The following DCC variants were observed in gnomAD, a reference collection of about 807,000 sequenced individuals.
DCC encodes the protein netrin receptor DCC.
A neutral mutation model predicts 172.5 loss-of-function variants in DCC; 58 were observed. The observed-to-expected ratio is 0.34, with a 90% CI of 0.27 to 0.42. The LOEUF is 0.42. DCC is among the 10% of genes least tolerant of loss of function. DCC has a pLI of 1.00. For missense variants in DCC, 1,740 were observed against 1,791.0 expected (o/e 0.97, Z 0.51); for synonymous variants, 709 against 644.5 (o/e 1.10, Z -1.52).
intron 1 of DCC, 103 bp downstream of exon 1, chr18:52,340,981 A>G (rs982711415): frequency 7.5e-6 from 7 of 931,396 alleles, no homozygotes; most frequent in Non-Finnish European, 1.2e-5. Flanking sequence ...GGATAGCAAG[A>G]GATTTGGCGC....
chr18:53,117,540 A>G (rs527636933), intron 7 of DCC, among the ~76,000 whole-genome samples: 77 of 151,866 alleles, frequency 5.1e-4, no homozygotes, highest in African/African-American at 1.6e-3. Context: ...TTCAAAATCA[A>G]TGGTTTTCCA....
intron 1 of DCC, among the ~76,000 whole-genome samples, chr18:52,687,256 T>C (rs1429409201): frequency 6.6e-6 from 1 of 151,528 alleles, no homozygotes; most frequent in Non-Finnish European, 1.5e-5. Flanking sequence ...AAGGCTAGGC[T>C]AGTCGTTAGC....
intron 1 of DCC, among the ~76,000 whole-genome samples, chr18:52,625,241 AT>A (rs2144867501): frequency 6.6e-6 from 1 of 152,290 alleles, no homozygotes; most frequent in South Asian, 2.1e-4. Flanking sequence ...CATTATGTAA[AT>A]TTAGAGAAGA....
intron 5 of DCC, among the ~76,000 whole-genome samples, chr18:53,031,472 G>T (rs1435300602): frequency 6.6e-6 from 1 of 152,050 alleles, no homozygotes; most frequent in Admixed American, 6.6e-5. Context: ...GGAGATGAGG[G>T]TCCAATTCTT....
chr18:53,003,437 T>A (rs2041597073), intron 5 of DCC, among the ~76,000 whole-genome samples: 1 of 152,056 alleles, frequency 6.6e-6, no homozygotes, highest in South Asian at 2.1e-4. Flanking sequence ...CACACAGATG[T>A]GGGAAAATAG....
At chr18:53,267,203 C>T (rs201208046) in intron 12 of DCC, among the ~76,000 whole-genome samples, 2 of 151,670 alleles carry the variant, frequency 1.3e-5, no homozygotes, top group East Asian at 1.9e-4. Context: ...CAGACATAGA[C>T]ACAGACACAG....
chr18:52,751,952 C>A (rs551261510), intron 1 of DCC, 102 bp from the exon 2 acceptor site: 2 of 973,070 alleles, frequency 2.1e-6, no homozygotes, highest in Non-Finnish European at 3.2e-6. Context: ...TTGTTCAAAG[C>A]CCTCAGCTTT....
intron 1 of DCC, among the ~76,000 whole-genome samples, chr18:52,710,348 G>C (rs2145053729): frequency 6.6e-6 from 1 of 152,316 alleles, no homozygotes; most frequent in South Asian, 2.1e-4. Context: ...TCCAGCTTGG[G>C]TGACAGAGTG....
intron 12 of DCC, among the ~76,000 whole-genome samples, chr18:53,266,072 C>T (rs2056670101): frequency 6.6e-6 from 1 of 152,198 alleles, no homozygotes; most frequent in African/African-American, 2.4e-5. Context: ...GTCTTCCTCA[C>T]TTCTTCCAAG....
intron 2 of DCC, among the ~76,000 whole-genome samples, chr18:52,755,619 A>G (rs2145138526): frequency 6.6e-6 from 1 of 152,334 alleles, no homozygotes; most frequent in East Asian, 1.9e-4. Context: ...ATATCTTCCC[A>G]GTAATAAAGA....
intron 2 of DCC, among the ~76,000 whole-genome samples, chr18:52,797,228 A>T (rs969760487): frequency 6.6e-6 from 1 of 152,128 alleles, no homozygotes; most frequent in African/African-American, 2.4e-5. Flanking sequence ...TCTCATCATA[A>T]AATTTCTAAT....
chr18:53,074,504 G>C (rs1163687864), intron 7 of DCC, among the ~76,000 whole-genome samples: 1 of 152,124 alleles, frequency 6.6e-6, no homozygotes, highest in Non-Finnish European at 1.5e-5. Flanking sequence ...ACAGAGCCAA[G>C]TTTTTTCAAA....
chr18:52,654,447 C>T (rs1427044134), intron 1 of DCC, among the ~76,000 whole-genome samples: 2 of 152,152 alleles, frequency 1.3e-5, no homozygotes, highest in African/African-American at 4.8e-5. Flanking sequence ...AAACAACAGA[C>T]ATTTATTGTC....
chr18:53,122,325 G>GCTTTT (rs1224138174), intron 7 of DCC, among the ~76,000 whole-genome samples: 2 of 151,868 alleles, frequency 1.3e-5, no homozygotes, highest in Non-Finnish European at 2.9e-5. Flanking sequence ...TAACCAATTG[G>GCTTTT]CTTTTCTTTT....
chr18:52,794,872 C>A (rs550751643), intron 2 of DCC, among the ~76,000 whole-genome samples: 4 of 151,550 alleles, frequency 2.6e-5, no homozygotes, highest in Non-Finnish European at 4.4e-5. Context: ...CTTTTTGATG[C>A]CTGTTGAGAA....
intron 21 of DCC, among the ~76,000 whole-genome samples, chr18:53,433,311 T>C (rs1039412757): frequency 6.6e-6 from 1 of 152,180 alleles, no homozygotes; most frequent in South Asian, 2.1e-4. Flanking sequence ...TGAATATGCT[T>C]ATTGGCTTCT....
chr18:52,416,982 A>C (rs1449169197), intron 1 of DCC, among the ~76,000 whole-genome samples: 1 of 151,048 alleles, frequency 6.6e-6, no homozygotes, highest in South Asian at 2.1e-4. Flanking sequence ...GGTCTTTACA[A>C]TTTGGCATGA....
chr18:53,206,218 T>C (rs1358172786), intron 10 of DCC, among the ~76,000 whole-genome samples: 1 of 33,334 alleles, frequency 3.0e-5, no homozygotes, highest in Non-Finnish European at 6.1e-5. Flanking sequence ...TATACATGTG[T>C]ATATATACAT....
chr18:53,279,039 G>A (rs1415127057), intron 12 of DCC, among the ~76,000 whole-genome samples: 1 of 152,288 alleles, frequency 6.6e-6, no homozygotes, highest in Middle Eastern at 3.4e-3. Context: ...CAGCGTAAAA[G>A]TGTTCCTATT....
Sources: gnomAD v4.1 joint callset for allele counts (sites outside exome capture counted in the v4.1 genomes callset) on GRCh38, gnomAD v4.1.1 for gene constraint, MANE v1.5 for transcripts, NCBI Gene and HGNC (gene_info 2026-07-23, HGNC 2026-07-21) for gene names.